The following LCOR variants were observed in gnomAD, a reference collection of about 807,000 sequenced individuals.
The protein encoded by LCOR is ligand dependent nuclear receptor corepressor.
In LCOR, 14 loss-of-function variants were observed where a neutral mutation model predicts 64.4. That is an observed-to-expected ratio of 0.22 (90% CI 0.14 to 0.34). The LOEUF (loss-of-function observed/expected upper bound fraction) is 0.34. LCOR is among the 10% of genes least tolerant of loss of function. LCOR has a pLI of 1.00. For missense variants in LCOR, 1,686 were observed against 1,765.3 expected (o/e 0.96, Z 0.80); for synonymous variants, 643 against 642.5 (o/e 1.00, Z -0.01).
intron 4 of LCOR, among the ~76,000 whole-genome samples, chr10:96,929,725 C>T (rs1847225416): frequency 6.6e-6 from 1 of 152,216 alleles, no homozygotes; most frequent in Admixed American, 6.5e-5. Context: ...TTCAGCATGC[C>T]TTCCTCACTA....
rs952772038 is a variant in LCOR, at chr10:96,944,235, T to G, written c.-61T>G. On this transcript the variant is annotated 5_prime_UTR_variant, in exon 5 of 8. Coordinates refer to ENST00000421806, the MANE Select transcript of LCOR (RefSeq NM_001346516.2). Reference sequence around the variant, plus strand: ...CAGAAGAATTCCTCAATGCAGTCTTTTATAGAAAAGGTTGGTTTCAGTGAA... The same window carrying G: ...CAGAAGAATTCCTCAATGCAGTCTTGTATAGAAAAGGTTGGTTTCAGTGAA... The G allele has an allele frequency of 1.0e-6, 1 of 985,616 alleles. No individual in the cohort carries two copies. Among genetic ancestry groups the G allele is most frequent in the Non-Finnish European group, 1.2e-6 (1 of 829,896 alleles). 61.1% of individuals were successfully genotyped at this position (985,616 alleles called of 1,614,324 possible). A position where few individuals can be genotyped will look rare whatever the true frequency, so the allele number is the denominator to read the frequency against.
At chr10:96,851,024 T>G (rs558923442) in intron 2 of LCOR, among the ~76,000 whole-genome samples, 1 of 152,334 alleles carries the variant, frequency 6.6e-6, no homozygotes, top group Non-Finnish European at 1.5e-5. Flanking sequence ...GTAAACTTGA[T>G]GTAATAGGCA....
chr10:96,920,605 TTC>T (rs1847046100), intron 4 of LCOR, among the ~76,000 whole-genome samples: 1 of 147,882 alleles, frequency 6.8e-6, no homozygotes, highest in African/African-American at 2.5e-5. Flanking sequence ...TGTATGTATA[TTC>T]ATATATGTGT....
At chr10:96,900,351 T>A (rs1846612090) in intron 2 of LCOR, among the ~76,000 whole-genome samples, 1 of 151,990 alleles carries the variant, frequency 6.6e-6, no homozygotes, top group African/African-American at 2.4e-5. Context: ...TATACTTGAT[T>A]CTTTTTTTAA....
chr10:96,866,467 G>A (rs531666762), intron 2 of LCOR, among the ~76,000 whole-genome samples: 28 of 152,116 alleles, frequency 1.8e-4, no homozygotes, highest in Non-Finnish European at 4.1e-4. Context: ...AAACATTTTT[G>A]TACAAGTCTT....
intron 4 of LCOR, among the ~76,000 whole-genome samples, chr10:96,917,998 G>T (rs1215323006): frequency 6.6e-6 from 1 of 152,194 alleles, no homozygotes; most frequent in African/African-American, 2.4e-5. Context: ...GAAGTGTCCA[G>T]TAGACAGGGT....
intron 2 of LCOR, among the ~76,000 whole-genome samples, chr10:96,880,658 A>G (rs1213642982): frequency 1.3e-5 from 2 of 152,154 alleles, no homozygotes; most frequent in Non-Finnish European, 2.9e-5. Flanking sequence ...TCAGTCTCCC[A>G]AATTGTTGAC....
chr10:96,958,218 AAG>A, intron 7 of LCOR: 2 of 1,300,468 alleles, frequency 1.5e-6, no homozygotes, highest in Non-Finnish European at 2.0e-6. Context: ...CCCTCTCAGA[AAG>A]ACATCACTAA....
intron 7 of LCOR, among the ~76,000 whole-genome samples, chr10:96,978,155 C>T (rs1023005051): frequency 6.6e-6 from 1 of 152,192 alleles, no homozygotes; most frequent in Non-Finnish European, 1.5e-5. Flanking sequence ...CAGGGGCCTC[C>T]TCCTGCCTGT....
chr10:96,897,866 C>CTTTTTTTTTT (rs59098946), intron 2 of LCOR, among the ~76,000 whole-genome samples: 1 of 116,254 alleles, frequency 8.6e-6, no homozygotes, highest in Non-Finnish European at 1.8e-5. Flanking sequence ...AGAAAGCCAT[C>CTTTTTTTTTT]TTTTTTTTTT....
chr10:96,852,489 T>C (rs950932171), intron 2 of LCOR, among the ~76,000 whole-genome samples: 1 of 152,224 alleles, frequency 6.6e-6, no homozygotes, highest in Non-Finnish European at 1.5e-5. Context: ...GAAACGTAAA[T>C]GAATCTTGTG....
At chr10:96,969,498 C>T (rs1272557819) in intron 7 of LCOR, among the ~76,000 whole-genome samples, 1 of 152,086 alleles carries the variant, frequency 6.6e-6, no homozygotes, top group African/African-American at 2.4e-5. Context: ...CCATTGTATA[C>T]AAAATTTTTT....
At chr10:96,859,914 A>G (rs935360293) in intron 2 of LCOR, among the ~76,000 whole-genome samples, 1 of 152,142 alleles carries the variant, frequency 6.6e-6, no homozygotes, top group Non-Finnish European at 1.5e-5. Flanking sequence ...GACATTGGCC[A>G]GGCCTGGGTC....
rs569562877 is a variant in LCOR, at chr10:96,911,916, A to G, written c.-184+4169A>G. 6.6e-5 allele frequency among the ~76,000 whole-genome samples: 10 copies of G among 152,238 alleles called. No individual in the cohort carries two copies. The East Asian group carries it at 1.5e-3, about 23-fold the overall frequency. On this transcript the variant is annotated intron_variant, in intron 4 of 7. Transcript: ENST00000421806. ...ACAATTCTCTGTGTACTGCTTATTC[A>G]TGAGGCTTTTCTTTTCTTTCTTTCT...
chr10:96,843,240 C>A (rs1401354541), intron 2 of LCOR, among the ~76,000 whole-genome samples: 1 of 152,178 alleles, frequency 6.6e-6, no homozygotes, highest in African/African-American at 2.4e-5. Flanking sequence ...ATCCTCCTGC[C>A]TCAGCCCCTG....
chr10:96,868,277 TC>T (rs1846011342), intron 2 of LCOR, among the ~76,000 whole-genome samples: 1 of 148,164 alleles, frequency 6.7e-6, no homozygotes, highest in African/African-American at 2.6e-5. Flanking sequence ...TCTTTTCTTT[TC>T]TTTTTTTTTT....
chr10:96,955,872 G>A, intron 7 of LCOR: 1 of 1,614,158 alleles, frequency 6.2e-7, no homozygotes, highest in Non-Finnish European at 8.5e-7. Context: ...GATTGAATTA[G>A]ATCCCCAGGG....
chr10:96,900,336 C>T (rs548180255), intron 2 of LCOR, among the ~76,000 whole-genome samples: 2 of 151,886 alleles, frequency 1.3e-5, no homozygotes, highest in Admixed American at 1.3e-4. Flanking sequence ...TCTTTTAAGT[C>T]ATCCTATACT....
intron 4 of LCOR, among the ~76,000 whole-genome samples, chr10:96,916,193 G>A (rs1286189973): frequency 2.0e-5 from 3 of 151,648 alleles, no homozygotes; most frequent in African/African-American, 4.9e-5. Flanking sequence ...CACCACTCCC[G>A]TCTAACTTTT....
Sources: allele counts gnomAD v4.1 joint callset (sites outside exome capture counted in the v4.1 genomes callset), GRCh38; gene constraint gnomAD v4.1.1; transcripts MANE v1.5; gene names NCBI Gene and HGNC (gene_info 2026-07-23, HGNC 2026-07-21).